RXYLT1: variants seen among roughly 807,000 people sequenced by gnomAD.
RXYLT1 encodes ribitol xylosyltransferase 1, also known as ribitol-5-phosphate xylosyltransferase 1.
Under a neutral mutation model 43.5 loss-of-function variants are expected in RXYLT1, and 41 were observed. The observed-to-expected ratio is 0.94, with a 90% CI of 0.73 to 1.22. The LOEUF is 1.22. RXYLT1 is among the 50% of genes most tolerant of loss of function. The pLI, the probability that RXYLT1 is intolerant of heterozygous loss-of-function variation, is 0.00. For synonymous variants in RXYLT1, 166 were observed against 194.4 expected, an observed-to-expected ratio of 0.85 and a Z score of 1.21; for missense variants, 514 against 532.0, an observed-to-expected ratio of 0.97 and a Z score of 0.33.
chr12:63,787,860 C>T (rs1897840820), intron 3 of RXYLT1, among the ~76,000 whole-genome samples: 1 of 152,152 alleles, frequency 6.6e-6, no homozygotes, highest in Non-Finnish European at 1.5e-5. Context: ...GGACTCCTGT[C>T]CCCAAGTGAT....
Position 63,786,358 on chromosome 12 carries a change from C to T in RXYLT1, c.428+1286C>T, listed in dbSNP as rs189707388. 6.2e-4 allele frequency among the ~76,000 whole-genome samples: 95 copies of T among 152,200 alleles called. 2 individuals carry two copies. The highest frequency in any genetic ancestry group is 2.1e-3 in the African/African-American group (87 of 41,548). Reference sequence around the variant, plus strand: ...TATTTGTGGGAGATTTTACAGGCATCCTCTAGAGATACTGCGTGTTCAGTT... The same window carrying T: ...TATTTGTGGGAGATTTTACAGGCATTCTCTAGAGATACTGCGTGTTCAGTT... On this transcript the variant is annotated intron_variant, in intron 3 of 5. Transcript: ENST00000261234.
intron 3 of RXYLT1, among the ~76,000 whole-genome samples, chr12:63,789,084 A>T (rs1897866611): frequency 6.6e-6 from 1 of 152,188 alleles, no homozygotes; most frequent in Non-Finnish European, 1.5e-5. Context: ...AGAAACTAAG[A>T]ATCCATGCCT....
chr12:63,799,528 C>T (rs1327863493), intron 3 of RXYLT1, among the ~76,000 whole-genome samples: 4 of 151,748 alleles, frequency 2.6e-5, no homozygotes, highest in African/African-American at 4.8e-5. Context: ...TGGACTCAAG[C>T]GATCCGCCTA....
At chr12:63,795,118 G>A (rs1298297002) in intron 3 of RXYLT1, among the ~76,000 whole-genome samples, 3 of 152,024 alleles carry the variant, frequency 2.0e-5, no homozygotes, top group African/African-American at 7.2e-5. Flanking sequence ...GCAGCATGGC[G>A]AAACTGTATC....
intron 3 of RXYLT1, among the ~76,000 whole-genome samples, chr12:63,792,061 G>A (rs547739790): frequency 7.9e-5 from 12 of 152,308 alleles, no homozygotes; most frequent in African/African-American, 2.9e-4. Context: ...AGTGGGTAAA[G>A]CCAAAAGTCA....
chr12:63,805,295 T>A lies in RXYLT1; in HGVS notation c.805T>A (p.Leu269Ile), dbSNP rs772819283. The change falls in exon 5 of 6, where the codon TTA becomes ATA. Residue 269 changes from leucine to isoleucine, a missense_variant. Transcript: ENST00000261234. ...WSMLHDERPY[L>I]CNFLGTIYEN... ...AATGCTGCATGATGAGAGGCCATAT[T>A]TATGTAATTTCTTAGGAACGATTTA... is the stretch of plus-strand genomic sequence containing the variant. 5.0e-6 allele frequency: 8 copies of A among 1,613,524 alleles called. No individual in the cohort carries two copies. Among genetic ancestry groups the A allele is most frequent in the Non-Finnish European group, 6.8e-6 (8 of 1,179,776 alleles).
chr12:63,801,833 A>AG (rs1898165395), intron 3 of RXYLT1, among the ~76,000 whole-genome samples: 1 of 152,060 alleles, frequency 6.6e-6, no homozygotes, highest in Non-Finnish European at 1.5e-5. Context: ...CAAAAAAAAA[A>AG]CAAAAAAACA....
intron 3 of RXYLT1, among the ~76,000 whole-genome samples, chr12:63,786,366 G>T (rs914025420): frequency 1.5e-4 from 23 of 152,140 alleles, no homozygotes; most frequent in African/African-American, 4.3e-4. Context: ...ATCCTCTAGA[G>T]ATACTGCGTG....
chr12:63,781,237 A>C, intron 2 of RXYLT1, 63 bp downstream of exon 2: 1 of 1,329,626 alleles, frequency 7.5e-7, no homozygotes, highest in Non-Finnish European at 9.8e-7. Context: ...TATTGATATG[A>C]AATTCATTTT....
At chr12:63,802,894 C>T (rs1056877662) in intron 4 of RXYLT1, among the ~76,000 whole-genome samples, 4 of 151,566 alleles carry the variant, frequency 2.6e-5, no homozygotes, top group South Asian at 2.1e-4. Flanking sequence ...TTAGGCCAGG[C>T]GCAGTGGCTT....
rs1565909086 is a variant in RXYLT1 at position 63,809,028 on chromosome 12, C to A, written c.1268C>A (p.Thr423Lys). 6.3e-7 allele frequency: 1 copy of A among 1,588,712 alleles called. No homozygotes were observed. Among genetic ancestry groups the A allele is most frequent in the Admixed American group, 1.9e-5 (1 of 53,118 alleles). The change falls in exon 6 of 6, where the codon ACA becomes AAA. Residue 423 changes from threonine (T) to lysine (K), a missense_variant. Coordinates refer to ENST00000261234, the MANE Select transcript of RXYLT1 (RefSeq NM_014254.3). ...MLLQWYQHFK[T>K]ELKMKFTNIL... ...CTTCAGTGGTATCAGCACTTCAAGA[C>A]AGAGCTTAAAATGAAATTTACTAAT...
chr12:63,780,079 C>T lies in RXYLT1; in HGVS notation c.119C>T (p.Pro40Leu). 6.3e-7 allele frequency: 1 copy of T among 1,593,306 alleles called. No homozygotes were observed. The highest frequency in any genetic ancestry group is 8.5e-7 in the Non-Finnish European group (1 of 1,173,536). Residue 40 changes from proline (P) to leucine (L), a missense_variant, in exon 1 of 6, where the codon CCG (proline) becomes CTG (leucine). Transcript: ENST00000261234. ...GRRRQAPAGS[P>L]RGLRKGAAPA... is the part of the protein sequence containing the mutation. The stretch of plus-strand genomic sequence containing the variant: ...CGCCGCCAGGCGCCGGCCGGGTCCC[C>T]GCGGGGCCTCAGGAAGGGGGCGGCC...
chr12:63,802,756 A>G (rs1898192329), intron 4 of RXYLT1, among the ~76,000 whole-genome samples: 1 of 152,152 alleles, frequency 6.6e-6, no homozygotes, highest in Non-Finnish European at 1.5e-5. Flanking sequence ...ATAGTAAAAA[A>G]AGGCAATATT....
rs2136222871 is a variant in RXYLT1, at chr12:63,786,691, G to A, written c.428+1619G>A. ...GGTTGCTGAAGGCTGGGGTGGCTGTGACAATTTCTTAAAATAAGACAACAA... is the reference window on the plus strand; with the variant it reads ...GGTTGCTGAAGGCTGGGGTGGCTGTAACAATTTCTTAAAATAAGACAACAA... On this transcript the variant is annotated intron_variant, in intron 3 of 5. Transcript: ENST00000261234. Among the ~76,000 whole-genome samples, 3 of 152,280 alleles carry A rather than the reference G, an allele frequency of 2.0e-5. No homozygotes were observed. The Middle Eastern group carries it at 0.01, about 518-fold the overall frequency.
chr12:63,807,270 A>C (rs1898318214), intron 5 of RXYLT1: 1 of 152,194 alleles, frequency 6.6e-6, no homozygotes, highest in South Asian at 2.1e-4. Context: ...CAGCTCCCTA[A>C]TTCCCTAATC....
intron 3 of RXYLT1, among the ~76,000 whole-genome samples, chr12:63,798,725 TA>T (rs2136229639): frequency 6.6e-6 from 1 of 152,358 alleles, no homozygotes; most frequent in Admixed American, 6.5e-5. Flanking sequence ...GTTGCCGTGA[TA>T]AAATGCACGC....
At chr12:63,780,403 T>C (rs2136219163) in intron 1 of RXYLT1, 1 of 1,249,944 alleles carries the variant, frequency 8.0e-7, no homozygotes, top group Non-Finnish European at 1.0e-6. Flanking sequence ...ATCCAAGACG[T>C]CGTCTCAAAT....
intron 5 of RXYLT1, 78 bp from the exon 6 acceptor site, chr12:63,808,597 T>G: frequency 6.7e-7 from 1 of 1,483,928 alleles, no homozygotes; most frequent in Non-Finnish European, 9.1e-7. Context: ...ACTGATTTTA[T>G]TAAAAGATAA....
chr12:63,792,230 C>T (rs1897932693), intron 3 of RXYLT1, among the ~76,000 whole-genome samples: 2 of 152,182 alleles, frequency 1.3e-5, no homozygotes, highest in Non-Finnish European at 2.9e-5. Context: ...AACTGATGAG[C>T]TAAGCAGTGT....
Sources: gnomAD v4.1 joint callset for allele counts (sites outside exome capture counted in the v4.1 genomes callset) on GRCh38, gnomAD v4.1.1 for gene constraint, MANE v1.5 for transcripts, NCBI Gene and HGNC (gene_info 2026-07-23, HGNC 2026-07-21) for gene names.